PRCP: variants seen among roughly 807,000 people sequenced by gnomAD.
PRCP encodes the protein prolylcarboxypeptidase.
A neutral mutation model predicts 54.2 loss-of-function variants in PRCP; 46 were observed. That is an observed-to-expected ratio of 0.85 (90% CI 0.67 to 1.09). The LOEUF is 1.09. Ranked by LOEUF, PRCP falls within the 50% of genes least tolerant of loss-of-function variation. The pLI, the probability that PRCP is intolerant of heterozygous loss-of-function variation, is 0.00. For missense variants in PRCP, 613 were observed against 596.8 expected (o/e 1.03, Z -0.28); for synonymous variants, 240 against 212.2 (o/e 1.13, Z -1.14).
At chr11:82,832,634 T>C (rs913694580) in intron 8 of PRCP, among the ~76,000 whole-genome samples, 2 of 152,224 alleles carry the variant, frequency 1.3e-5, no homozygotes, top group Non-Finnish European at 2.9e-5. Context: ...ATTGCAAAAA[T>C]TTTCTCCTAT....
At chr11:82,899,556 G>GA (rs1860203166) in intron 1 of PRCP, among the ~76,000 whole-genome samples, 1 of 152,146 alleles carries the variant, frequency 6.6e-6, no homozygotes, top group Non-Finnish European at 1.5e-5. Context: ...ACCTGTGGGG[G>GA]AATGCCTCAT....
In PRCP at chr11:82,850,436, A is replaced by G; in HGVS notation, c.481T>C (p.Leu161=). ...LADFAELIKH[L]KRTIPGAENQ... is the part of the protein sequence containing the mutation. ...TCAGCTCCTGGGATTGTTCTTTTCA[A>G]GTGTTTGATTAACTCTGCAAAATCA... The change falls in exon 4 of 9, where the codon TTG becomes CTG. Residue 161 remains leucine (L), a synonymous_variant. Coordinates refer to ENST00000313010, the MANE Select transcript of PRCP (RefSeq NM_005040.4). The G allele has an allele frequency of 6.2e-7, 1 of 1,608,630 alleles. No individual in the cohort carries two copies.
At chr11:82,867,234 T>C (rs11822050) in intron 1 of PRCP, among the ~76,000 whole-genome samples, 128 of 152,280 alleles carry the variant, frequency 8.4e-4, no homozygotes, top group African/African-American at 3.1e-3. Flanking sequence ...AAAAAAATTG[T>C]GCTTAGTAAC....
At chr11:82,868,703 C>T (rs1192340203) in intron 1 of PRCP, among the ~76,000 whole-genome samples, 6 of 151,986 alleles carry the variant, frequency 3.9e-5, no homozygotes, top group Non-Finnish European at 7.4e-5. Flanking sequence ...TGTTGTTTTA[C>T]GGCAAGAGGT....
intron 1 of PRCP, among the ~76,000 whole-genome samples, chr11:82,888,445 C>T (rs1289750211): frequency 6.6e-6 from 1 of 152,078 alleles, no homozygotes; most frequent in Non-Finnish European, 1.5e-5. Context: ...AATGAAAAAC[C>T]GAAATCATAA....
intron 1 of PRCP, 94 bp downstream of exon 1, chr11:82,900,141 T>C (rs1209805642): frequency 2.1e-6 from 3 of 1,451,008 alleles, no homozygotes. Context: ...CATCAAGGGG[T>C]GTGAATTTCG....
Position 82,860,129 on chromosome 11 carries a change from AC to A in PRCP, c.169-13del. ...CCAAAATGATCAACCTGTGATAAAA[AC>A]AAAACAAAACATATTTCAAAGGAAA... On this transcript the variant is annotated splice_polypyrimidine_tract_variant and intron_variant, in intron 1 of 8. Coordinates refer to ENST00000313010, the MANE Select transcript of PRCP (RefSeq NM_005040.4). 1.4e-6 allele frequency: 2 copies of A among 1,448,410 alleles called. No homozygotes were observed. The highest frequency in any genetic ancestry group is 1.8e-6 in the Non-Finnish European group (2 of 1,083,832). 89.7% of individuals were successfully genotyped at this position (1,448,410 alleles called of 1,614,324 possible).
intron 8 of PRCP, among the ~76,000 whole-genome samples, chr11:82,833,352 C>G (rs1224000507): frequency 2.0e-5 from 3 of 152,094 alleles, no homozygotes; most frequent in African/African-American, 7.2e-5. Flanking sequence ...AGGTATGAAT[C>G]TTAAGGAAAA....
intron 1 of PRCP, among the ~76,000 whole-genome samples, chr11:82,896,833 C>G (rs1839576537): frequency 6.6e-6 from 1 of 152,194 alleles, no homozygotes; most frequent in African/African-American, 2.4e-5. Flanking sequence ...TCCACAATTG[C>G]ATGAGCCAAT....
Position 82,824,833 on chromosome 11 carries a change from G to T in PRCP, c.*73C>A. On this transcript the variant is annotated 3_prime_UTR_variant, in exon 9 of 9. Coordinates refer to ENST00000313010, the MANE Select transcript of PRCP (RefSeq NM_005040.4). Reference sequence around the variant, plus strand: ...GATAAACAAAAGAAGGTAATTACATGTAGAAAATCAAAGTGAATGGGAATG... The same window carrying T: ...GATAAACAAAAGAAGGTAATTACATTTAGAAAATCAAAGTGAATGGGAATG... 7.1e-7 allele frequency: 1 copy of T among 1,417,632 alleles called. No individual in the cohort carries two copies. Among genetic ancestry groups the T allele is most frequent in the Non-Finnish European group, 9.7e-7 (1 of 1,030,622 alleles). The allele number at this position is 1,417,632 out of a possible 1,614,324, so 87.8% of individuals were successfully genotyped here. A position where few individuals can be genotyped will look rare whatever the true frequency, so the allele number is the denominator to read the frequency against.
At chr11:82,888,081 T>C (rs1591072654) in intron 1 of PRCP, among the ~76,000 whole-genome samples, 1 of 152,334 alleles carries the variant, frequency 6.6e-6, no homozygotes, top group South Asian at 2.1e-4. Flanking sequence ...TTAAATACAC[T>C]TGTTATGCTT....
At chr11:82,875,908 T>G (rs1415015872) in intron 1 of PRCP, among the ~76,000 whole-genome samples, 2 of 152,196 alleles carry the variant, frequency 1.3e-5, no homozygotes, top group Non-Finnish European at 1.5e-5. Flanking sequence ...ATTCCAGAAA[T>G]GCTCTGGACA....
Position 82,834,848 on chromosome 11 carries a change from G to T in PRCP, c.1274+3539C>A, listed in dbSNP as rs376451169. ...CCAGCACTTTGGGAGGCCGAGGCAGGCGGATCACCTGAGGTCAGGAGTTTG... is the reference window on the plus strand; with the variant it reads ...CCAGCACTTTGGGAGGCCGAGGCAGTCGGATCACCTGAGGTCAGGAGTTTG... On this transcript the variant is annotated intron_variant, in intron 8 of 8. Transcript: ENST00000313010. Among the ~76,000 whole-genome samples the T allele has an allele frequency of 7.2e-5, 11 of 152,336 alleles. No homozygotes were observed. The East Asian group carries it at 1.9e-3, about 27-fold the overall frequency.
At chr11:82,900,552 G>A (rs905372308), upstream of PRCP, 37 of 1,092,538 alleles carry the variant, frequency 3.4e-5, no homozygotes, top group Non-Finnish European at 4.4e-5. Context: ...CCTCAGAGAC[G>A]CCGCCCAAGC....
chr11:82,869,762 G>A (rs540195997), intron 1 of PRCP, among the ~76,000 whole-genome samples: 4 of 152,332 alleles, frequency 2.6e-5, no homozygotes, highest in South Asian at 2.1e-4. Context: ...TCCCAAGAAG[G>A]TCAAGTTTGT....
At position 82,851,778 on chromosome 11, in the gene PRCP, G is replaced by C. The variant is rs11233346; in HGVS notation, c.412-1273C>G. Among the ~76,000 whole-genome samples the C allele has an allele frequency of 9.7e-3, 1,475 of 151,826 alleles. 28 individuals carry two copies. The highest frequency in any genetic ancestry group is 0.032 in the African/African-American group (1,329 of 41,408). ...CCATCCTGATTTCTTCCATCATCTGGCATATTACTGAATCACATAGATCCC... is the reference window on the plus strand; with the variant it reads ...CCATCCTGATTTCTTCCATCATCTGCCATATTACTGAATCACATAGATCCC... On this transcript the variant is annotated intron_variant, in intron 3 of 8. Coordinates refer to ENST00000313010, the MANE Select transcript of PRCP (RefSeq NM_005040.4).
intron 6 of PRCP, among the ~76,000 whole-genome samples, chr11:82,848,339 T>C (rs1384965609): frequency 6.6e-6 from 1 of 152,252 alleles, no homozygotes; most frequent in Non-Finnish European, 1.5e-5. Flanking sequence ...ATTTATACTG[T>C]AATGTGTCCT....
chr11:82,879,197 C>T (rs1859684684), intron 1 of PRCP, among the ~76,000 whole-genome samples: 1 of 152,244 alleles, frequency 6.6e-6, no homozygotes, highest in Non-Finnish European at 1.5e-5. Context: ...GGTCTTTTCA[C>T]ATAGTCCCAT....
intron 1 of PRCP, among the ~76,000 whole-genome samples, chr11:82,897,921 A>G (rs1163086758): frequency 6.6e-6 from 1 of 152,218 alleles, no homozygotes; most frequent in Non-Finnish European, 1.5e-5. Context: ...GTAAATCATT[A>G]TAAAGTTTAA....
Sources: allele counts gnomAD v4.1 joint callset (sites outside exome capture counted in the v4.1 genomes callset), GRCh38; gene constraint gnomAD v4.1.1; transcripts MANE v1.5; gene names NCBI Gene and HGNC (gene_info 2026-07-23, HGNC 2026-07-21).